PDE9A: variants seen among roughly 807,000 people sequenced by gnomAD.
PDE9A encodes phosphodiesterase 9A.
PDE9A carries 60 observed loss-of-function variants against 87.4 expected under a neutral mutation model. The ratio of observed to expected loss-of-function variants is 0.69; its 90% CI spans 0.56 to 0.85. The LOEUF (loss-of-function observed/expected upper bound fraction) is 0.85. PDE9A is among the 40% of genes least tolerant of loss of function. The pLI, the probability that PDE9A is intolerant of heterozygous loss-of-function variation, is 0.00. For synonymous variants in PDE9A, 272 were observed against 279.4 expected (o/e 0.97, Z 0.27); for missense variants, 665 against 779.0 (o/e 0.85, Z 1.74).
intron 4 of PDE9A, among the ~76,000 whole-genome samples, chr21:42,726,073 T>G (rs62213362): frequency 0.11 from 16,847 of 152,242 alleles, 1,168 homozygotes; most frequent in East Asian, 0.33. Context: ...GCCGAGTGGC[T>G]CTCAGCATCT....
chr21:42,748,210 A>G (rs1424966619), intron 8 of PDE9A, among the ~76,000 whole-genome samples: 11 of 152,242 alleles, frequency 7.2e-5, no homozygotes, highest in Admixed American at 7.2e-4. Flanking sequence ...TCATCATGCC[A>G]TCTATTTTTT....
rs1291648342 is a variant in PDE9A at position 42,723,491 on chromosome 21, CTGAT to C, written c.263-8274_263-8271del. ...AGCCTACCTAAACCTGTCATTACAA[CTGAT>C]TGATCCTTGGTGTAGTCAAATCTTC... is the stretch of plus-strand genomic sequence containing the variant. On this transcript the variant is annotated intron_variant, in intron 4 of 19. Transcript: ENST00000291539. The surrounding 1 kb of genome is among the most constrained non-coding windows in gnomAD (Gnocchi z 4.3). Among the ~76,000 whole-genome samples, 1 of 152,240 alleles carries C rather than the reference CTGAT, an allele frequency of 6.6e-6. No individual in the cohort carries two copies. Among genetic ancestry groups the C allele is most frequent in the African/African-American group, 2.4e-5 (1 of 41,464 alleles).
chr21:42,761,955 C>T, intron 13 of PDE9A, 128 bp from the exon 14 acceptor site: 1 of 909,016 alleles, frequency 1.1e-6, no homozygotes, highest in Admixed American at 2.6e-5. Flanking sequence ...GCACAGGCAG[C>T]TCCCCCAGCC....
intron 19 of PDE9A, among the ~76,000 whole-genome samples, chr21:42,774,893 A>G (rs1418211647): frequency 6.6e-6 from 1 of 151,262 alleles, no homozygotes; most frequent in African/African-American, 2.4e-5. Flanking sequence ...AAAAAAAAAA[A>G]AAAAGTCTGT....
At chr21:42,687,391 C>A (rs2059537229) in intron 2 of PDE9A, among the ~76,000 whole-genome samples, 1 of 152,132 alleles carries the variant, frequency 6.6e-6, no homozygotes, top group African/African-American at 2.4e-5. Flanking sequence ...CTCTATTTCA[C>A]AGATTTTAAC....
chr21:42,736,843 C>T (rs1203805060), intron 7 of PDE9A, among the ~76,000 whole-genome samples: 1 of 152,224 alleles, frequency 6.6e-6, no homozygotes, highest in Non-Finnish European at 1.5e-5. Flanking sequence ...GCTTTGGGCT[C>T]ATCCTCCCCG....
chr21:42,716,791 C>T (rs2049972331), intron 4 of PDE9A, among the ~76,000 whole-genome samples: 1 of 125,888 alleles, frequency 7.9e-6, no homozygotes, highest in Admixed American at 8.9e-5. Flanking sequence ...CACTCTCTTG[C>T]CCAGGCTGGA....
At chr21:42,662,815 G>A (rs199761211) in intron 1 of PDE9A, among the ~76,000 whole-genome samples, 34 of 94,492 alleles carry the variant, frequency 3.6e-4, no homozygotes, top group Non-Finnish European at 5.5e-4. Context: ...CCACACACAC[G>A]CACACACACG....
intron 1 of PDE9A, among the ~76,000 whole-genome samples, chr21:42,654,939 GTGCTGGGC>G (rs748711669): frequency 4.9e-4 from 74 of 149,960 alleles, no homozygotes; most frequent in Non-Finnish European, 9.9e-4. Context: ...TATTTAATCA[GTGCTGGGC>G]AGCTGGGCAG....
chr21:42,744,227 C>T (rs1328019274), intron 8 of PDE9A, among the ~76,000 whole-genome samples: 1 of 152,164 alleles, frequency 6.6e-6, no homozygotes, highest in African/African-American at 2.4e-5. Context: ...GTGGCACATG[C>T]CTGTAACCCC....
chr21:42,669,280 AGCTGCTGGTG>A (rs1473608565), intron 1 of PDE9A, among the ~76,000 whole-genome samples: 2 of 151,956 alleles, frequency 1.3e-5, no homozygotes, highest in African/African-American at 4.8e-5. Context: ...TGCCTCTTCC[AGCTGCTGGTG>A]GCTGCCAGCA....
At chr21:42,750,789 G>T (rs1292994224) in intron 8 of PDE9A, among the ~76,000 whole-genome samples, 2 of 151,938 alleles carry the variant, frequency 1.3e-5, no homozygotes, top group Admixed American at 1.3e-4. Flanking sequence ...GTTTCACCAT[G>T]TTGGCCAGGA....
intron 4 of PDE9A, among the ~76,000 whole-genome samples, chr21:42,711,618 T>C (rs2049352490): frequency 6.6e-6 from 1 of 152,100 alleles, no homozygotes; most frequent in South Asian, 2.1e-4. Context: ...TGGAGATACA[T>C]TTTAGAAGAT....
chr21:42,753,253 G>A (rs1245699229), intron 9 of PDE9A, among the ~76,000 whole-genome samples: 5 of 151,998 alleles, frequency 3.3e-5, no homozygotes, highest in Non-Finnish European at 5.9e-5. Flanking sequence ...TGATCCGCTC[G>A]CCTCGGCTTC....
At position 42,760,470 on chromosome 21, in the gene PDE9A, C is replaced by A. The variant is rs568636624; in HGVS notation, c.1002+38C>A. 1 of 1,283,790 alleles carries A rather than the reference C, an allele frequency of 7.8e-7. No homozygotes were observed. 79.5% of individuals were successfully genotyped at this position (1,283,790 alleles called of 1,614,324 possible). The stretch of plus-strand genomic sequence containing the variant: ...CGCTGCACACCCAGACCTCTACTCT[C>A]GGGGGTCAGACGGAGGCCCCCTTCC... On this transcript the variant is annotated intron_variant, in intron 12 of 19. Coordinates refer to ENST00000291539, the MANE Select transcript of PDE9A (RefSeq NM_002606.3). The surrounding 1 kb of genome is among the most constrained non-coding windows in gnomAD (Gnocchi z 5.2).
intron 19 of PDE9A, among the ~76,000 whole-genome samples, chr21:42,774,054 G>A (rs2057301948): frequency 6.6e-6 from 1 of 152,158 alleles, no homozygotes; most frequent in Non-Finnish European, 1.5e-5. Context: ...ACTCCAGCCT[G>A]GGTGACAGAG....
chr21:42,727,077 CAAAAAAAAA>C lies in PDE9A; in HGVS notation c.263-4678_263-4670del, dbSNP rs34249348. 1.9e-3 allele frequency among the ~76,000 whole-genome samples: 159 copies of C among 81,684 alleles called. 2 individuals carry two copies. In the East Asian group the frequency reaches 0.036, roughly 18 times the overall value. 53.6% of individuals were successfully genotyped at this position (81,684 alleles called of 152,430 possible). A position where few individuals can be genotyped will look rare whatever the true frequency, so the allele number is the denominator to read the frequency against. On this transcript the variant is annotated intron_variant, in intron 4 of 19. Coordinates refer to ENST00000291539, the MANE Select transcript of PDE9A (RefSeq NM_002606.3). ...AATGTTAGAATAATCTCTATTTCTACAAAAAAAAAAAAAAAAAAAAAAAGTCTTGCTAGG... is the reference window on the plus strand; with the variant it reads ...AATGTTAGAATAATCTCTATTTCTACAAAAAAAAAAAAAAGTCTTGCTAGG...
intron 4 of PDE9A, among the ~76,000 whole-genome samples, chr21:42,714,801 C>G (rs1194322456): frequency 1.5e-5 from 2 of 129,620 alleles, no homozygotes; most frequent in Non-Finnish European, 3.4e-5. Context: ...GTTAGCTCTC[C>G]CAGTCTTTGT....
Position 42,669,581 on chromosome 21 carries a change from A to T in PDE9A, c.69+15698A>T, listed in dbSNP as rs117640734. On this transcript the variant is annotated intron_variant, in intron 1 of 19. Coordinates refer to ENST00000291539, the MANE Select transcript of PDE9A (RefSeq NM_002606.3). ...GCATGCTTCGGAGCCTCGGCGTCAA[A>T]ATGACAACCCACACCCCACTTGGCG... 7.7e-3 allele frequency among the ~76,000 whole-genome samples: 1,179 copies of T among 152,282 alleles called. 4 individuals carry two copies. Among genetic ancestry groups the T allele is most frequent in the South Asian group, 0.027 (132 of 4,824 alleles).
Sources: allele counts gnomAD v4.1 joint callset (sites outside exome capture counted in the v4.1 genomes callset), GRCh38; gene constraint gnomAD v4.1.1; non-coding constraint Gnocchi (gnomAD v3.1); transcripts MANE v1.5; gene names NCBI Gene and HGNC (gene_info 2026-07-23, HGNC 2026-07-21).